Variants in RANBP17 observed in about 807,000 individuals in gnomAD.
The protein encoded by RANBP17 is RAN binding protein 17.
A neutral mutation model predicts 141.2 loss-of-function variants in RANBP17; 158 were observed. The ratio of observed to expected loss-of-function variants is 1.12; its 90% confidence interval spans 0.98 to 1.28. The LOEUF (loss-of-function observed/expected upper bound fraction) is 1.28. RANBP17 is among the 50% of genes most tolerant of loss of function. The pLI is 0.00. For missense variants in RANBP17, 1,438 were observed against 1,290.7 expected, an observed-to-expected ratio of 1.11 and a Z score of -1.75; for synonymous variants, 430 against 450.0, an observed-to-expected ratio of 0.96 and a Z score of 0.56.
chr5:171,115,440 A>G (rs1378613252), intron 14 of RANBP17, among the ~76,000 whole-genome samples: 1 of 152,194 alleles, frequency 6.6e-6, no homozygotes, highest in African/African-American at 2.4e-5. Context: ...TGTTCACTCT[A>G]AGATAAAGTT....
At chr5:171,120,102 G>T (rs1306779306) in intron 14 of RANBP17, among the ~76,000 whole-genome samples, 1 of 149,600 alleles carries the variant, frequency 6.7e-6, no homozygotes. Flanking sequence ...AGATCCCAAA[G>T]AATTTTCTGT....
intron 20 of RANBP17, among the ~76,000 whole-genome samples, chr5:171,213,343 A>T (rs1396881411): frequency 6.6e-6 from 1 of 152,192 alleles, no homozygotes; most frequent in African/African-American, 2.4e-5. Context: ...ATGATACTTT[A>T]AAAATGTGTA....
chr5:171,111,877 T>C (rs1755257930), intron 14 of RANBP17, among the ~76,000 whole-genome samples: 1 of 152,230 alleles, frequency 6.6e-6, no homozygotes, highest in African/African-American at 2.4e-5. Flanking sequence ...GAGCCACTTA[T>C]ACTTAGGGAT....
rs192237482 is a variant in RANBP17, at chr5:171,074,870, A to G, written c.1711-95260A>G. 1.6e-4 allele frequency among the ~76,000 whole-genome samples: 24 copies of G among 152,316 alleles called. No individual in the cohort carries two copies. The East Asian group carries it at 4.6e-3, about 29-fold the overall frequency. On this transcript the variant is annotated intron_variant, in intron 14 of 27. Transcript: ENST00000523189. The stretch of plus-strand genomic sequence containing the variant: ...TATTTTTGAGACTTTGTGTTCTAAA[A>G]GGAAGGCTTATTTTAAAAGTTGGTT...
intron 22 of RANBP17, among the ~76,000 whole-genome samples, chr5:171,228,280 A>C (rs546557469): frequency 6.6e-5 from 10 of 152,340 alleles, no homozygotes; most frequent in African/African-American, 2.2e-4. Context: ...GTTTGGAAGA[A>C]GTTGATTCCA....
At position 171,203,080 on chromosome 5, in the gene RANBP17, A is replaced by G. The variant is rs141083752; in HGVS notation, c.2143-2444A>G. ...TCCCTAACTACCCAAAAAGGAATCCATAGGGTTAGATCTCCAGACATATCC... is the reference window on the plus strand; with the variant it reads ...TCCCTAACTACCCAAAAAGGAATCCGTAGGGTTAGATCTCCAGACATATCC... On this transcript the variant is annotated intron_variant, in intron 19 of 27. Transcript: ENST00000523189. 3.7e-3 allele frequency among the ~76,000 whole-genome samples: 566 copies of G among 152,260 alleles called. 2 individuals carry two copies. Among genetic ancestry groups the G allele is most frequent in the African/African-American group, 0.012 (515 of 41,530 alleles).
At chr5:170,953,538 A>G in intron 12 of RANBP17, 59 bp from the exon 13 acceptor site, 3 of 1,157,348 alleles carry the variant, frequency 2.6e-6, no homozygotes, top group Non-Finnish European at 3.8e-6. Context: ...ATTTCCCCCA[A>G]GATAAGCTAC....
chr5:171,252,213 T>TA (rs1290437727), intron 24 of RANBP17: 1 of 1,576,550 alleles, frequency 6.3e-7, no homozygotes, highest in African/African-American at 1.4e-5. Context: ...ACCTACTAAA[T>TA]ACAATTGCTG....
At position 171,053,949 on chromosome 5, in the gene RANBP17, G is replaced by T. The variant is rs1783169213; in HGVS notation, c.1710+85572G>T. On this transcript the variant is annotated intron_variant, in intron 14 of 27. Coordinates refer to ENST00000523189, the MANE Select transcript of RANBP17 (RefSeq NM_022897.5). ...TAATTGCTGTATTTGATGCATATAT[G>T]CTTATCATTGTTATATATTCTTACT... Among the ~76,000 whole-genome samples, 3 of 122,144 alleles carry T rather than the reference G, an allele frequency of 2.5e-5. No individual in the cohort carries two copies. In the South Asian group the frequency reaches 7.8e-4, roughly 32 times the overall value. The allele number at this position is 122,144 out of a possible 152,430, so 80.1% of individuals were successfully genotyped here. A position where few individuals can be genotyped will look rare whatever the true frequency, so the allele number is the denominator to read the frequency against.
intron 14 of RANBP17, among the ~76,000 whole-genome samples, chr5:170,972,582 T>C (rs1777070015): frequency 6.6e-6 from 1 of 152,210 alleles, no homozygotes; most frequent in South Asian, 2.1e-4. Context: ...AGTGTATCAC[T>C]ATGCCATTAT....
intron 25 of RANBP17, among the ~76,000 whole-genome samples, chr5:171,281,965 C>CA (rs1767888614): frequency 6.6e-6 from 1 of 152,052 alleles, no homozygotes; most frequent in Non-Finnish European, 1.5e-5. Flanking sequence ...CCTTGCATTG[C>CA]AGAGAGCCTG....
At chr5:171,271,801 A>T (rs140572126) in intron 25 of RANBP17, among the ~76,000 whole-genome samples, 105 of 152,392 alleles carry the variant, frequency 6.9e-4, no homozygotes, top group African/African-American at 2.4e-3. Flanking sequence ...CTCAAATTTC[A>T]TAACAGAATT....
intron 14 of RANBP17, among the ~76,000 whole-genome samples, chr5:171,081,359 A>G (rs979543669): frequency 2.6e-5 from 4 of 152,176 alleles, no homozygotes; most frequent in Non-Finnish European, 5.9e-5. Flanking sequence ...GCTTCCCAGT[A>G]TACTCTGCAG....
intron 20 of RANBP17, among the ~76,000 whole-genome samples, chr5:171,210,833 C>T (rs1470731712): frequency 1.3e-5 from 2 of 151,774 alleles, no homozygotes; most frequent in Non-Finnish European, 2.9e-5. Flanking sequence ...GGTGAAACCC[C>T]GTCTCTACTA....
Position 171,165,343 on chromosome 5 carries a change from G to A in RANBP17, c.1711-4787G>A, listed in dbSNP as rs1328939607. 6.6e-5 allele frequency among the ~76,000 whole-genome samples: 10 copies of A among 151,870 alleles called. No homozygotes were observed. The East Asian group carries it at 1.2e-3, about 18-fold the overall frequency. On this transcript the variant is annotated intron_variant, in intron 14 of 27. Coordinates refer to ENST00000523189, the MANE Select transcript of RANBP17 (RefSeq NM_022897.5). ...ATTACAGGTACACGCCACGACGCTC[G>A]GCTAATTTTTTGTATTTTAGTTTGG...
At chr5:171,116,590 ATGT>A (rs1361763630) in intron 14 of RANBP17, among the ~76,000 whole-genome samples, 5 of 152,302 alleles carry the variant, frequency 3.3e-5, no homozygotes, top group South Asian at 4.2e-4. Flanking sequence ...GCACATAGAG[ATGT>A]TGTGATACAT....
intron 25 of RANBP17, among the ~76,000 whole-genome samples, chr5:171,280,316 C>T (rs780015083): frequency 1.6e-4 from 24 of 152,160 alleles, no homozygotes; most frequent in Non-Finnish European, 2.9e-4. Flanking sequence ...ATCACCTTGT[C>T]GCCCAGGCTG....
rs1581157884 is a variant in RANBP17, at chr5:171,270,261, G to A, written c.2943+4414G>A. 3.3e-5 allele frequency among the ~76,000 whole-genome samples: 5 copies of A among 152,070 alleles called. No homozygotes were observed. In the South Asian group the frequency reaches 1.0e-3, roughly 32 times the overall value. Reference sequence around the variant, plus strand: ...CCAAATAATCCATTTTTCATATTTTGCAAACAACTCTAACTTTGCAAGCAT... The same window carrying A: ...CCAAATAATCCATTTTTCATATTTTACAAACAACTCTAACTTTGCAAGCAT... On this transcript the variant is annotated intron_variant, in intron 25 of 27. Transcript: ENST00000523189.
intron 15 of RANBP17, among the ~76,000 whole-genome samples, chr5:171,170,974 C>T (rs1045287047): frequency 1.3e-5 from 2 of 151,998 alleles, no homozygotes; most frequent in African/African-American, 4.8e-5. Context: ...TTTTAATTTA[C>T]AAAACTAAAT....
Sources: allele counts gnomAD v4.1 joint callset (sites outside exome capture counted in the v4.1 genomes callset), GRCh38; gene constraint gnomAD v4.1.1; transcripts MANE v1.5; gene names NCBI Gene and HGNC (gene_info 2026-07-23, HGNC 2026-07-21).